TNFAIP8L3: variants seen among roughly 807,000 people sequenced by gnomAD.
The protein encoded by TNFAIP8L3 is tumor necrosis factor alpha-induced protein 8-like protein 3.
In TNFAIP8L3, 7 loss-of-function variants were observed where a neutral mutation model predicts 11.8. The observed-to-expected ratio is 0.59, with a 90% CI of 0.34 to 1.11. The LOEUF is 1.11. TNFAIP8L3 is among the 50% of genes most tolerant of loss of function. The probability of loss-of-function intolerance (pLI) is 0.03; values close to 1 mark genes in which losing one functional copy is unlikely to be tolerated. For missense variants in TNFAIP8L3, 219 were observed against 258.6 expected, an observed-to-expected ratio of 0.85 and a Z score of 1.05; for synonymous variants, 98 against 103.8, an observed-to-expected ratio of 0.94 and a Z score of 0.34.
At chr15:51,091,239 C>T (rs984930378) in intron 1 of TNFAIP8L3, among the ~76,000 whole-genome samples, 5 of 152,200 alleles carry the variant, frequency 3.3e-5, no homozygotes, top group Non-Finnish European at 5.9e-5. Context: ...TTTCATCCTC[C>T]GCCCCACCCT....
At chr15:51,066,683 G>C (rs997077780) in intron 1 of TNFAIP8L3, among the ~76,000 whole-genome samples, 1 of 152,132 alleles carries the variant, frequency 6.6e-6, no homozygotes, top group African/African-American at 2.4e-5. Context: ...GAGGCGTGGT[G>C]GTATGCAGGA....
intron 1 of TNFAIP8L3, among the ~76,000 whole-genome samples, chr15:51,102,451 C>T (rs962491928): frequency 1.3e-5 from 2 of 152,130 alleles, no homozygotes; most frequent in Non-Finnish European, 1.5e-5. Flanking sequence ...TTGAGTGGAA[C>T]CTTTTGTTCC....
intron 1 of TNFAIP8L3, among the ~76,000 whole-genome samples, chr15:51,102,304 C>T (rs1390143506): frequency 6.6e-6 from 1 of 152,172 alleles, no homozygotes; most frequent in Non-Finnish European, 1.5e-5. Context: ...GTTAATCATC[C>T]TTCTGATCTA....
chr15:51,098,424 G>C (rs1285362654), upstream of TNFAIP8L3, among the ~76,000 whole-genome samples: 2 of 152,168 alleles, frequency 1.3e-5, no homozygotes, highest in East Asian at 3.9e-4. Flanking sequence ...TTGTCTCAAG[G>C]TAGACTTTGG....
intron 1 of TNFAIP8L3, among the ~76,000 whole-genome samples, chr15:51,100,365 C>T (rs1486227796): frequency 6.6e-6 from 1 of 151,946 alleles, no homozygotes; most frequent in East Asian, 1.9e-4. Flanking sequence ...GAGCTCTGCC[C>T]TTGGCTCTAG....
chr15:51,099,242 T>C (rs1476585509), upstream of TNFAIP8L3, among the ~76,000 whole-genome samples: 1 of 152,128 alleles, frequency 6.6e-6, no homozygotes, highest in Non-Finnish European at 1.5e-5. Flanking sequence ...TTGTGGGCAG[T>C]GTGTCCTCTG....
exon 1 of TNFAIP8L3, chr15:51,105,107 G>C: frequency 6.2e-7 from 1 of 1,614,212 alleles, no homozygotes; most frequent in South Asian, 1.1e-5. Flanking sequence ...TTGACCCACA[G>C]TTTCCCCTTT....
intron 1 of TNFAIP8L3, among the ~76,000 whole-genome samples, chr15:51,100,979 A>G (rs1016991597): frequency 6.6e-6 from 1 of 152,180 alleles, no homozygotes; most frequent in Admixed American, 6.5e-5. Context: ...CCCCTGTACT[A>G]GCTGTTTTCT....
At chr15:51,086,661 G>A (rs1046972481) in intron 1 of TNFAIP8L3, among the ~76,000 whole-genome samples, 1 of 152,116 alleles carries the variant, frequency 6.6e-6, no homozygotes, top group African/African-American at 2.4e-5. Flanking sequence ...TTGGTTTTCT[G>A]TTCTATAAAT....
At chr15:51,079,874 A>AG (rs1567292337) in intron 1 of TNFAIP8L3, among the ~76,000 whole-genome samples, 1 of 147,438 alleles carries the variant, frequency 6.8e-6, no homozygotes, top group Non-Finnish European at 1.5e-5. Context: ...AAAAAAAAAA[A>AG]AAAAAGAAAG....
intron 1 of TNFAIP8L3, among the ~76,000 whole-genome samples, chr15:51,079,923 A>T (rs1217816923): frequency 6.6e-6 from 1 of 151,836 alleles, no homozygotes; most frequent in Non-Finnish European, 1.5e-5. Context: ...AGGGAGGCTT[A>T]TAACATGATG....
upstream of TNFAIP8L3, among the ~76,000 whole-genome samples, chr15:51,095,160 C>G (rs1188183960): frequency 1.3e-5 from 2 of 151,040 alleles, no homozygotes; most frequent in South Asian, 2.1e-4. Context: ...CCAACTCCTC[C>G]GCTCAGAGAC....
At chr15:51,105,217 G>A (rs754396169) in exon 1 of TNFAIP8L3, 19 of 1,599,860 alleles carry the variant, frequency 1.2e-5, no homozygotes, top group Non-Finnish European at 1.4e-5. Flanking sequence ...GCCCTAACTT[G>A]CACACTGACT....
chr15:51,093,845 T>C (rs545140076), intron 1 of TNFAIP8L3, among the ~76,000 whole-genome samples: 2 of 152,284 alleles, frequency 1.3e-5, no homozygotes, highest in East Asian at 3.9e-4. Flanking sequence ...ATTCATTTTT[T>C]TTCTTCCCTA....
intron 1 of TNFAIP8L3, among the ~76,000 whole-genome samples, chr15:51,080,560 T>G (rs905350909): frequency 1.3e-5 from 2 of 152,248 alleles, no homozygotes; most frequent in African/African-American, 2.4e-5. Context: ...CTCCTGTTTC[T>G]TGGATCTCAC....
rs550199687 is a variant in TNFAIP8L3 at position 51,056,844 on chromosome 15, C to G, written c.*1037G>C. On this transcript the variant is annotated 3_prime_UTR_variant, in exon 2 of 2. Transcript: ENST00000637513. ...CCCCACCCCCCCATGGAAAGTTTCC[C>G]TCTGCAGGATCATCAACCTGAACAT... The G allele has an allele frequency of 6.6e-6, 1 of 152,112 alleles. No individual in the cohort carries two copies. Among genetic ancestry groups the G allele is most frequent in the Non-Finnish European group, 1.5e-5 (1 of 68,000 alleles). The allele number at this position is 152,112 out of a possible 1,614,324, so 9.4% of individuals were successfully genotyped here.
intron 1 of TNFAIP8L3, among the ~76,000 whole-genome samples, chr15:51,071,983 T>C (rs1160625868): frequency 6.6e-6 from 1 of 152,268 alleles, no homozygotes; most frequent in African/African-American, 2.4e-5. Flanking sequence ...TGCTTGTTCA[T>C]ATAATTTACT....
chr15:51,104,996 A>G, intron 1 of TNFAIP8L3: 1 of 1,614,146 alleles, frequency 6.2e-7, no homozygotes, highest in East Asian at 2.2e-5. Flanking sequence ...TTCCTGAGCC[A>G]GTGCTGACCA....
At chr15:51,089,307 G>C (rs1480595452) in intron 1 of TNFAIP8L3, among the ~76,000 whole-genome samples, 1 of 152,172 alleles carries the variant, frequency 6.6e-6, no homozygotes, top group African/African-American at 2.4e-5. Flanking sequence ...TGGGTGGCAT[G>C]GGCTGATACA....
Sources: gnomAD v4.1 joint callset for allele counts (sites outside exome capture counted in the v4.1 genomes callset) on GRCh38, gnomAD v4.1.1 for gene constraint, MANE v1.5 for transcripts, NCBI Gene and HGNC (gene_info 2026-07-23, HGNC 2026-07-21) for gene names.